MYO5B: variants seen among roughly 807,000 people sequenced by gnomAD.
MYO5B encodes unconventional myosin-Vb.
MYO5B carries 143 observed loss-of-function variants against 229.3 expected under a neutral mutation model. The observed-to-expected ratio is 0.62, with a 90% CI of 0.54 to 0.72. The LOEUF is 0.72. MYO5B is among the 30% of genes least tolerant of loss of function. The pLI is 0.00. For missense variants in MYO5B, 2,321 were observed against 2,331.0 expected (o/e 1.00, Z 0.09); for synonymous variants, 918 against 885.2 (o/e 1.04, Z -0.66).
intron 29 of MYO5B, 26 bp from the exon 30 acceptor site, chr18:49,856,916 G>A: frequency 6.3e-7 from 1 of 1,579,966 alleles, no homozygotes; most frequent in Non-Finnish European, 8.7e-7. Context: ...AGAAAAACAG[G>A]GTGTCCAGTG....
intron 7 of MYO5B, among the ~76,000 whole-genome samples, chr18:49,985,375 T>C (rs1312150379): frequency 6.6e-6 from 1 of 152,212 alleles, no homozygotes; most frequent in Admixed American, 6.5e-5. Flanking sequence ...CCCAGCTTAA[T>C]TCTTCTTCAG....
chr18:49,873,188 A>G (rs1304272846), intron 26 of MYO5B, among the ~76,000 whole-genome samples: 1 of 152,252 alleles, frequency 6.6e-6, no homozygotes, highest in Non-Finnish European at 1.5e-5. Context: ...ATAATTCCTC[A>G]GTTATTTAGC....
intron 9 of MYO5B, among the ~76,000 whole-genome samples, chr18:49,976,904 G>A (rs906695605): frequency 2.3e-4 from 35 of 152,136 alleles, no homozygotes; most frequent in Non-Finnish European, 2.9e-4. Context: ...GGTGGCAAGC[G>A]TCCAATTTGT....
chr18:49,863,040 T>G (rs143861804), intron 29 of MYO5B, among the ~76,000 whole-genome samples, 187 bp downstream of exon 29: 43 of 152,252 alleles, frequency 2.8e-4, no homozygotes, highest in African/African-American at 9.9e-4. Flanking sequence ...GCTGAGAGCG[T>G]GTTGCTCGAG....
chr18:49,953,878 A>G (rs2025455319), intron 13 of MYO5B, among the ~76,000 whole-genome samples: 1 of 142,556 alleles, frequency 7.0e-6, no homozygotes, highest in South Asian at 2.3e-4. Context: ...CTGCTTTAGA[A>G]TTTATATATA....
At chr18:49,888,343 G>A (rs1264922028) in intron 22 of MYO5B, among the ~76,000 whole-genome samples, 1 of 152,096 alleles carries the variant, frequency 6.6e-6, no homozygotes, top group African/African-American at 2.4e-5. Context: ...CACCCCGATT[G>A]AGAATCACTA....
intron 2 of MYO5B, among the ~76,000 whole-genome samples, chr18:50,048,112 CA>C (rs560094446): frequency 0.21 from 29,733 of 141,672 alleles, 3,217 homozygotes; most frequent in African/African-American, 0.29. Flanking sequence ...ATAAAGTGTA[CA>C]AAAAAAAAAA....
At chr18:49,929,449 G>A in intron 17 of MYO5B, 63 bp downstream of exon 17, 2 of 1,409,246 alleles carry the variant, frequency 1.4e-6, no homozygotes, top group South Asian at 1.2e-5. Context: ...GGGCTCCCTG[G>A]GGAACCAAAC....
intron 4 of MYO5B, among the ~76,000 whole-genome samples, chr18:50,034,773 C>A (rs1050919508): frequency 4.0e-5 from 6 of 151,802 alleles, no homozygotes; most frequent in Admixed American, 3.3e-4. Flanking sequence ...ACAAAAAAAC[C>A]AAAAAAACAA....
chr18:49,866,661 A>C (rs184787567), intron 27 of MYO5B, among the ~76,000 whole-genome samples: 2 of 152,324 alleles, frequency 1.3e-5, no homozygotes, highest in Admixed American at 1.3e-4. Context: ...AGAATAAGGG[A>C]GTCCCATTCC....
intron 1 of MYO5B, among the ~76,000 whole-genome samples, chr18:50,132,557 G>A (rs2032270643): frequency 6.6e-6 from 1 of 152,190 alleles, no homozygotes; most frequent in East Asian, 1.9e-4. Flanking sequence ...ATAGGCTGGG[G>A]AAGAAAATGA....
At chr18:50,064,560 T>C (rs1568092337) in intron 1 of MYO5B, 1 of 152,226 alleles carries the variant, frequency 6.6e-6, no homozygotes, top group Non-Finnish European at 1.5e-5. Flanking sequence ...TTCCAGAGCA[T>C]ACCACCTTCA....
At chr18:50,109,922 G>A (rs534196782) in intron 1 of MYO5B, among the ~76,000 whole-genome samples, 40 of 152,210 alleles carry the variant, frequency 2.6e-4, no homozygotes, top group Admixed American at 3.3e-4. Flanking sequence ...AATCCTCCAC[G>A]GGTTCCCCAT....
chr18:49,870,962 G>GAA (rs1465894990), intron 27 of MYO5B, among the ~76,000 whole-genome samples: 1 of 152,132 alleles, frequency 6.6e-6, no homozygotes. Flanking sequence ...TAAAAGAACT[G>GAA]AAAGCAGGGT....
At chr18:50,078,291 T>A (rs1031949033) in intron 1 of MYO5B, among the ~76,000 whole-genome samples, 3 of 152,306 alleles carry the variant, frequency 2.0e-5, no homozygotes, top group African/African-American at 7.2e-5. Flanking sequence ...TGCCTTTCGA[T>A]CATGCTTGAT....
At chr18:50,008,805 A>G (rs2026130790) in intron 4 of MYO5B, among the ~76,000 whole-genome samples, 1 of 152,196 alleles carries the variant, frequency 6.6e-6, no homozygotes, top group Non-Finnish European at 1.5e-5. Context: ...AGGTGTGTCA[A>G]CAGAATATAT....
intron 1 of MYO5B, among the ~76,000 whole-genome samples, chr18:50,077,630 T>G (rs1470475569): frequency 6.6e-6 from 1 of 152,146 alleles, no homozygotes; most frequent in African/African-American, 2.4e-5. Flanking sequence ...CTACATAGTT[T>G]TTAAAATCTG....
At chr18:50,087,880 G>A (rs995884465) in intron 1 of MYO5B, among the ~76,000 whole-genome samples, 8 of 152,162 alleles carry the variant, frequency 5.3e-5, no homozygotes, top group East Asian at 1.9e-4. Flanking sequence ...TCATGCTAAC[G>A]GGGAAGCACA....
chr18:50,125,077 A>G (rs2457976), intron 1 of MYO5B, among the ~76,000 whole-genome samples: 124,515 of 151,894 alleles, frequency 0.82, 51,359 homozygotes, highest in Admixed American at 0.87. Context: ...GCTGACTGCA[A>G]GGCCTGGCAC....
Sources: gnomAD v4.1 joint callset for allele counts (sites outside exome capture counted in the v4.1 genomes callset) on GRCh38, gnomAD v4.1.1 for gene constraint, MANE v1.5 for transcripts, NCBI Gene and HGNC (gene_info 2026-07-23, HGNC 2026-07-21) for gene names.